Variants in NCOR2 observed in about 807,000 individuals in gnomAD.
NCOR2 encodes nuclear receptor corepressor 2.
In NCOR2, 81 loss-of-function variants were observed where a neutral mutation model predicts 262.9. The ratio of observed to expected loss-of-function variants is 0.31; its 90% confidence interval spans 0.26 to 0.37. The LOEUF is 0.37. Ranked by LOEUF, NCOR2 falls within the 10% of genes least tolerant of loss-of-function variation. NCOR2 has a pLI of 1.00. For missense variants in NCOR2, 3,385 were observed against 3,621.4 expected (o/e 0.93, Z 1.68); for synonymous variants, 1,659 against 1,559.3 (o/e 1.06, Z -1.51).
chr12:124,528,686 T>C (rs2050612603), intron 1 of NCOR2, among the ~76,000 whole-genome samples: 1 of 152,162 alleles, frequency 6.6e-6, no homozygotes, highest in African/African-American at 2.4e-5. Context: ...AAAAAGGTGG[T>C]CCTGGCCCCA....
chr12:124,350,882 G>A, intron 27 of NCOR2, 145 bp from the exon 30 acceptor site: 1 of 875,918 alleles, frequency 1.1e-6, no homozygotes, highest in Admixed American at 3.1e-5. Flanking sequence ...ATAGGTAAGA[G>A]TTTGCATGGA....
intron 45 of NCOR2, among the ~76,000 whole-genome samples, chr12:124,326,573 G>A (rs376172002): frequency 1.3e-5 from 2 of 152,298 alleles, no homozygotes; most frequent in South Asian, 2.1e-4. Context: ...GAGCCTGGAG[G>A]GTGGAGATAG....
At chr12:124,473,227 T>C in intron 3 of NCOR2, 96 bp from the exon 6 acceptor site, 1 of 1,400,788 alleles carries the variant, frequency 7.1e-7, no homozygotes, top group South Asian at 1.2e-5. Flanking sequence ...CTGATTGGAT[T>C]GAAGGAGGCA....
In NCOR2 at chr12:124,483,796, C is replaced by T. The variant is rs759319445; in HGVS notation, c.234-23G>A. ...GACCTGCAGGAGGTGAGGCATCCAA[C>T]GTCACATAGGAGATTGCGGCTCTGA... On this transcript the variant is annotated intron_variant, in intron 2 of 46. Coordinates refer to ENST00000405201, the Ensembl canonical transcript of NCOR2. The surrounding 1 kb of genome is among the most constrained non-coding windows in gnomAD (Gnocchi z 6.3). 33 of 1,573,330 alleles carry T rather than the reference C, an allele frequency of 2.1e-5. No individual in the cohort carries two copies. The South Asian group carries it at 3.9e-4, about 18-fold the overall frequency.
intron 3 of NCOR2, among the ~76,000 whole-genome samples, chr12:124,475,953 C>T (rs1182865474): frequency 1.3e-5 from 2 of 152,240 alleles, no homozygotes; most frequent in Non-Finnish European, 2.9e-5. Context: ...GCCAAAGCAG[C>T]ACCCCTTCCA....
At chr12:124,396,154 G>A (rs1056969300) in intron 16 of NCOR2, among the ~76,000 whole-genome samples, 1 of 152,146 alleles carries the variant, frequency 6.6e-6, no homozygotes, top group Non-Finnish European at 1.5e-5. Context: ...GAGTGCATTA[G>A]TGGCTGCCAG....
chr12:124,445,236 C>A (rs907248988), intron 7 of NCOR2, among the ~76,000 whole-genome samples: 1 of 152,212 alleles, frequency 6.6e-6, no homozygotes, highest in Non-Finnish European at 1.5e-5. Context: ...CCACATCCCA[C>A]GCGGGCTCCA....
intron 18 of NCOR2, among the ~76,000 whole-genome samples, chr12:124,376,919 G>C (rs570928689): frequency 6.6e-6 from 1 of 152,216 alleles, no homozygotes; most frequent in East Asian, 1.9e-4. Flanking sequence ...AGTCAGAAAG[G>C]AGAGTCAGGG....
intron 22 of NCOR2, among the ~76,000 whole-genome samples, chr12:124,359,101 G>A (rs912305240): frequency 2.6e-5 from 4 of 152,202 alleles, no homozygotes; most frequent in East Asian, 1.9e-4. Context: ...GCGGGGCCCC[G>A]GGGCTCAGGC....
chr12:124,394,277 T>C (rs1183567764), intron 16 of NCOR2, among the ~76,000 whole-genome samples: 2 of 152,176 alleles, frequency 1.3e-5, no homozygotes, highest in Non-Finnish European at 2.9e-5. Flanking sequence ...GAGAGAACGA[T>C]GGTAACTGAG....
intron 18 of NCOR2, among the ~76,000 whole-genome samples, chr12:124,376,269 G>A (rs1048370333): frequency 3.3e-5 from 5 of 151,622 alleles, no homozygotes; most frequent in African/African-American, 4.8e-5. Context: ...GCCCCTCCCC[G>A]TCCCTACGGG....
At position 124,389,738 on chromosome 12, in the gene NCOR2, A is replaced by G. The variant is rs1358864060; in HGVS notation, c.1877-3851T>C. ...TTGCAGGGTGCACATGAGACCGCCA[A>G]CCATTTAGGGGAGGGGGAAGGGTTT... On this transcript the variant is annotated intron_variant, in intron 16 of 46. Coordinates refer to ENST00000405201, the Ensembl canonical transcript of NCOR2. This position sits in a 1 kb window ranked among gnomAD's most constrained non-coding sequence, Gnocchi z 4.4. Among the ~76,000 whole-genome samples the G allele has an allele frequency of 6.6e-6, 1 of 152,022 alleles. No homozygotes were observed. Among genetic ancestry groups the G allele is most frequent in the Non-Finnish European group, 1.5e-5 (1 of 68,002 alleles).
chr12:124,409,414 C>T (rs1460556794), intron 13 of NCOR2, among the ~76,000 whole-genome samples: 2 of 152,228 alleles, frequency 1.3e-5, no homozygotes, highest in Admixed American at 1.3e-4. Flanking sequence ...CCCTTCTTAT[C>T]ACTCAGGTCT....
intron 1 of NCOR2, among the ~76,000 whole-genome samples, chr12:124,547,146 C>CGA (rs1341038357): frequency 6.6e-6 from 1 of 152,028 alleles, no homozygotes; most frequent in Non-Finnish European, 1.5e-5. Context: ...CTCGCCACCA[C>CGA]GACTGGCTAC....
At chr12:124,554,036 C>A (rs914100326) in intron 1 of NCOR2, among the ~76,000 whole-genome samples, 2 of 152,210 alleles carry the variant, frequency 1.3e-5, no homozygotes, top group Admixed American at 6.5e-5. Context: ...TCTCACAAAC[C>A]CCCACTCAGG....
At chr12:124,561,343 C>G (rs909521481) in intron 1 of NCOR2, among the ~76,000 whole-genome samples, 5 of 152,162 alleles carry the variant, frequency 3.3e-5, no homozygotes, top group Non-Finnish European at 7.3e-5. Context: ...AATTTCATCC[C>G]CCGGTTGTGG....
chr12:124,335,185 G>T, exon 40 of NCOR2: 1 of 1,611,634 alleles, frequency 6.2e-7, no homozygotes, highest in Non-Finnish European at 8.5e-7. Flanking sequence ...TTGACCCCTG[G>T]GGCGGTCTGG....
chr12:124,421,280 C>T (rs2043190063), intron 12 of NCOR2, among the ~76,000 whole-genome samples: 1 of 152,194 alleles, frequency 6.6e-6, no homozygotes, highest in African/African-American at 2.4e-5. Context: ...TGCCTCTCAG[C>T]CAAAGAACAT....
intron 8 of NCOR2, among the ~76,000 whole-genome samples, chr12:124,435,625 G>A (rs2044292611): frequency 6.6e-6 from 1 of 152,104 alleles, no homozygotes; most frequent in South Asian, 2.1e-4. Context: ...AGGACCTCCT[G>A]CCCCAGCTAA....
Sources: allele counts gnomAD v4.1 joint callset (sites outside exome capture counted in the v4.1 genomes callset), GRCh38; gene constraint gnomAD v4.1.1; non-coding constraint Gnocchi (gnomAD v3.1); transcripts MANE v1.5; gene names NCBI Gene and HGNC (gene_info 2026-07-23, HGNC 2026-07-21).